Variants in SCLT1 observed in about 807,000 individuals in gnomAD.
The protein encoded by SCLT1 is sodium channel-associated protein 1.
Under a neutral mutation model 112.8 loss-of-function variants are expected in SCLT1, and 78 were observed. The observed-to-expected ratio is 0.69, with a 90% CI of 0.58 to 0.83. The LOEUF is 0.83. Ranked by LOEUF, SCLT1 falls within the 40% of genes least tolerant of loss-of-function variation. The pLI is 0.00. For missense variants in SCLT1, 747 were observed against 770.4 expected, an observed-to-expected ratio of 0.97 and a Z score of 0.36; for synonymous variants, 257 against 254.7, an observed-to-expected ratio of 1.01 and a Z score of -0.09.
chr4:128,961,329 A>G (rs1035882814), intron 11 of SCLT1, among the ~76,000 whole-genome samples: 1 of 152,156 alleles, frequency 6.6e-6, no homozygotes, highest in Non-Finnish European at 1.5e-5. Context: ...GTAACTAATG[A>G]ATTTAAATAC....
At chr4:129,030,089 A>T (rs760720222) in intron 5 of SCLT1, among the ~76,000 whole-genome samples, 1 of 152,182 alleles carries the variant, frequency 6.6e-6, no homozygotes, top group South Asian at 2.1e-4. Context: ...AATGAAAAAG[A>T]ATGGAGTTCA....
intron 14 of SCLT1, among the ~76,000 whole-genome samples, chr4:128,949,714 C>A (rs1738534424): frequency 1.3e-5 from 2 of 151,368 alleles, no homozygotes; most frequent in Admixed American, 6.6e-5. Flanking sequence ...TGAACTCATC[C>A]TTTTTTATGG....
intron 3 of SCLT1, 113 bp from the exon 4 acceptor site, chr4:129,043,580 A>G: frequency 5.2e-6 from 3 of 581,420 alleles, no homozygotes; most frequent in East Asian, 3.1e-5. Flanking sequence ...CTCATGCAAT[A>G]AAAACTTTTC....
chr4:128,933,234 A>G (rs1429533666), intron 18 of SCLT1, among the ~76,000 whole-genome samples: 3 of 152,162 alleles, frequency 2.0e-5, no homozygotes, highest in Admixed American at 6.5e-5. Flanking sequence ...CAGTGAACAA[A>G]GGAAAGGTAG....
intron 18 of SCLT1, among the ~76,000 whole-genome samples, chr4:128,932,189 T>G (rs1169056832): frequency 6.6e-6 from 1 of 152,168 alleles, no homozygotes. Flanking sequence ...AAAACAAAAC[T>G]GAAACAAAAT....
intron 17 of SCLT1, among the ~76,000 whole-genome samples, chr4:128,941,831 G>A (rs932949433): frequency 1.3e-5 from 2 of 152,038 alleles, no homozygotes; most frequent in African/African-American, 4.8e-5. Context: ...TTGCATATAT[G>A]CTGTGATATA....
At chr4:129,005,295 T>C (rs1004345773) in intron 5 of SCLT1, among the ~76,000 whole-genome samples, 12 of 152,174 alleles carry the variant, frequency 7.9e-5, no homozygotes, top group African/African-American at 9.7e-5. Flanking sequence ...AAATTGATTG[T>C]AAAATGAAAT....
intron 1 of SCLT1, among the ~76,000 whole-genome samples, chr4:129,084,819 T>A (rs1009825779): frequency 1.3e-5 from 2 of 152,110 alleles, no homozygotes; most frequent in African/African-American, 2.4e-5. Flanking sequence ...GCAAGCCATA[T>A]GAAAAAAGAC....
intron 18 of SCLT1, among the ~76,000 whole-genome samples, chr4:128,930,419 T>A (rs968935991): frequency 1.1e-4 from 17 of 152,196 alleles, no homozygotes; most frequent in African/African-American, 3.9e-4. Context: ...TTCACCCAGA[T>A]AAGCCACTTC....
intron 5 of SCLT1, among the ~76,000 whole-genome samples, chr4:129,021,138 G>C (rs1745435816): frequency 6.6e-6 from 1 of 152,170 alleles, no homozygotes; most frequent in Non-Finnish European, 1.5e-5. Context: ...GCTTTACCCA[G>C]GAAGTGCAAG....
intron 18 of SCLT1, among the ~76,000 whole-genome samples, chr4:128,901,959 C>T (rs1284534668): frequency 2.6e-5 from 4 of 151,982 alleles, no homozygotes; most frequent in African/African-American, 7.3e-5. Flanking sequence ...CTCTATTGCC[C>T]AGGCTGGAGT....
At chr4:129,079,865 A>G (rs966483431) in intron 2 of SCLT1, among the ~76,000 whole-genome samples, 4 of 152,230 alleles carry the variant, frequency 2.6e-5, no homozygotes, top group Non-Finnish European at 5.9e-5. Flanking sequence ...ATCCTCTGAA[A>G]TCCAGGCAGA....
rs147696681 is a variant in SCLT1 at position 128,885,568 on chromosome 4, C to T, written c.2005-1029G>A. ...CCTCTGTGTGAATACTCCATATAAC[C>T]AGTCTGCTATTGTTGGGTATTTGTA... On this transcript the variant is annotated intron_variant, in intron 20 of 20. Transcript: ENST00000281142. 1.5e-3 allele frequency among the ~76,000 whole-genome samples: 233 copies of T among 152,262 alleles called. 2 individuals are homozygous for T. The highest frequency in any genetic ancestry group is 0.013 in the East Asian group (70 of 5,190).
At chr4:128,908,375 T>C (rs1306157432) in intron 18 of SCLT1, among the ~76,000 whole-genome samples, 1 of 95,252 alleles carries the variant, frequency 1.0e-5, no homozygotes, top group Non-Finnish European at 2.2e-5. Flanking sequence ...TCTCATCCTG[T>C]TAATTAAAAA....
At chr4:128,940,426 ATTG>A (rs1314146717) in intron 17 of SCLT1, among the ~76,000 whole-genome samples, 2 of 151,992 alleles carry the variant, frequency 1.3e-5, no homozygotes, top group Non-Finnish European at 2.9e-5. Context: ...CTTCTACATA[ATTG>A]TTTTTATTTA....
intron 9 of SCLT1, among the ~76,000 whole-genome samples, chr4:128,982,759 C>T (rs974425970): frequency 1.3e-5 from 2 of 152,066 alleles, no homozygotes; most frequent in Non-Finnish European, 2.9e-5. Context: ...GCCTTGGCCT[C>T]CGAAAGTGCT....
chr4:128,942,296 A>T (rs961450198), intron 17 of SCLT1, among the ~76,000 whole-genome samples: 1 of 152,092 alleles, frequency 6.6e-6, no homozygotes, highest in Non-Finnish European at 1.5e-5. Context: ...AACCAAAATA[A>T]AACAGTGACA....
intron 2 of SCLT1, among the ~76,000 whole-genome samples, chr4:129,053,556 G>GTTTTTTTTTTTTTTTTTTTTTTT (rs1749035905): frequency 3.1e-5 from 1 of 32,418 alleles, no homozygotes; most frequent in African/African-American, 1.3e-4. Context: ...TGCAATCCCT[G>GTTTTTTTTTTTTTTTTTTTTTTT]ATTTTTTTTT....
intron 9 of SCLT1, among the ~76,000 whole-genome samples, chr4:128,987,616 T>G (rs1742211882): frequency 6.6e-6 from 1 of 151,918 alleles, no homozygotes; most frequent in Admixed American, 6.6e-5. Flanking sequence ...ATCCATGAGC[T>G]TGGAGAAAGG....
Sources: gnomAD v4.1 joint callset for allele counts (sites outside exome capture counted in the v4.1 genomes callset) on GRCh38, gnomAD v4.1.1 for gene constraint, MANE v1.5 for transcripts, NCBI Gene and HGNC (gene_info 2026-07-23, HGNC 2026-07-21) for gene names.